The following IFIH1 variants were observed in gnomAD, a reference collection of about 807,000 sequenced individuals.
IFIH1 encodes the protein interferon induced with helicase C domain 1.
In IFIH1, 125 loss-of-function variants were observed where a neutral mutation model predicts 107.4. The ratio of observed to expected loss-of-function variants is 1.16; its 90% CI spans 1.01 to 1.35. The LOEUF (loss-of-function observed/expected upper bound fraction) is 1.35, where lower values mean the gene tolerates loss of function less well. Among genes scored for constraint, IFIH1 ranks in the 40% most tolerant of loss-of-function variants. The probability of loss-of-function intolerance (pLI) is 0.00; values close to 1 mark genes in which losing one functional copy is unlikely to be tolerated. For missense variants in IFIH1, 1,333 were observed against 1,213.7 expected, an observed-to-expected ratio of 1.10 and a Z score of -1.46; for synonymous variants, 458 against 413.2, an observed-to-expected ratio of 1.11 and a Z score of -1.31.
intron 4 of IFIH1, among the ~76,000 whole-genome samples, chr2:162,289,399 T>C (rs1682956290): frequency 6.6e-6 from 1 of 151,698 alleles, no homozygotes. Context: ...GATCAAAAAA[T>C]GCATAGCTTA....
At chr2:162,278,467 C>CTAACCT in intron 8 of IFIH1, 139 bp from the exon 9 acceptor site, 1 of 526,098 alleles carries the variant, frequency 1.9e-6, no homozygotes, top group Non-Finnish European at 3.2e-6. Flanking sequence ...TGTCCCATCA[C>CTAACCT]TTGTCTGTAC....
chr2:162,306,642 G>C, intron 3 of IFIH1, 67 bp downstream of exon 3: 1 of 1,288,644 alleles, frequency 7.8e-7, no homozygotes, highest in Non-Finnish European at 1.1e-6. Context: ...TGATTAATAG[G>C]TTCTGCCCAG....
chr2:162,311,035 T>A, intron 1 of IFIH1, 102 bp from the exon 2 acceptor site: 1 of 814,070 alleles, frequency 1.2e-6, no homozygotes, highest in South Asian at 1.9e-5. Flanking sequence ...AGCATAAGTA[T>A]AAATAAAGGC....
chr2:162,301,549 T>C (rs142645329), intron 3 of IFIH1, among the ~76,000 whole-genome samples: 271 of 152,336 alleles, frequency 1.8e-3, no homozygotes, highest in African/African-American at 6.2e-3. Context: ...TTTGATTTTA[T>C]TGTAATGCAT....
At chr2:162,285,691 G>A (rs377019750) in intron 5 of IFIH1, among the ~76,000 whole-genome samples, 12 of 151,904 alleles carry the variant, frequency 7.9e-5, no homozygotes, top group African/African-American at 2.9e-4. Context: ...AGCCATAAAT[G>A]TGCATTCCGA....
rs1683551583 is a variant in IFIH1 at position 162,318,237 on chromosome 2, A to G, written c.71T>C (p.Met24Thr). The G allele has an allele frequency of 6.2e-7, 1 of 1,613,954 alleles. No individual in the cohort carries two copies. The highest frequency in any genetic ancestry group is 1.7e-5 in the Admixed American group (1 of 59,998). ...LISCFRARVK[M>T]YIQVEPVLDY... ...CAGCACAGGCTCCACCTGGATGTAC[A>G]TTTTCACCCTGGCCCTGAAGCACGA... The change falls in exon 1 of 16, where the codon ATG becomes ACG. Residue 24 changes from methionine (M) to threonine (T), a missense_variant. Coordinates refer to ENST00000649979, the MANE Select transcript of IFIH1 (RefSeq NM_022168.4).
At position 162,288,136 on chromosome 2, in the gene IFIH1, T is replaced by G; in HGVS notation, c.1094A>C (p.Lys365Thr). ...TAGTGTTATGTGTTCTTTGAATACC[T>G]TATTGACAAGAACTATAACTTTTCC... is the stretch of plus-strand genomic sequence containing the variant. ...EPGKVIVLVN[K>T]VLLVEQLFRK... The change falls in exon 5 of 16, where the codon AAG becomes ACG. Residue 365 changes from lysine (K) to threonine (T), a missense_variant and splice_region_variant. Coordinates refer to ENST00000649979, the MANE Select transcript of IFIH1 (RefSeq NM_022168.4). 6.3e-7 allele frequency: 1 copy of G among 1,591,408 alleles called. No individual in the cohort carries two copies. The highest frequency in any genetic ancestry group is 8.6e-7 in the Non-Finnish European group (1 of 1,161,172).
In IFIH1 at chr2:162,267,681, G is replaced by A. The variant is rs137884597; in HGVS notation, c.2808-112C>T. The A allele has an allele frequency of 4.3e-4, 330 of 775,802 alleles. 4 individuals carry two copies. In the African/African-American group the frequency reaches 5.0e-3, roughly 12 times the overall value. 48.1% of individuals were successfully genotyped at this position (775,802 alleles called of 1,614,324 possible). On this transcript the variant is annotated intron_variant, in intron 14 of 15. Coordinates refer to ENST00000649979, the MANE Select transcript of IFIH1 (RefSeq NM_022168.4). The stretch of plus-strand genomic sequence containing the variant: ...CCGCATGCCTGCGGTATTCTACACG[G>A]CATTCCTTCCTTCCCTCCTGCTTCC...
intron 4 of IFIH1, among the ~76,000 whole-genome samples, chr2:162,291,439 T>C (rs552124990): frequency 4.6e-5 from 7 of 151,710 alleles, no homozygotes; most frequent in Non-Finnish European, 8.8e-5. Context: ...CCAATATGTA[T>C]TGCCAAAAAC....
chr2:162,289,335 A>AGT, intron 4 of IFIH1, among the ~76,000 whole-genome samples: 1 of 151,682 alleles, frequency 6.6e-6, no homozygotes, highest in Non-Finnish European at 1.5e-5. Flanking sequence ...TGTTTTAGAT[A>AGT]GAATATATTT....
At chr2:162,289,575 T>A (rs1222158101) in intron 4 of IFIH1, among the ~76,000 whole-genome samples, 2 of 151,894 alleles carry the variant, frequency 1.3e-5, no homozygotes, top group Non-Finnish European at 2.9e-5. Flanking sequence ...ACTAACATAA[T>A]CCCATTAACT....
In IFIH1 at chr2:162,302,219, A is replaced by G. The variant is rs76322941; in HGVS notation, c.769+4490T>C. 3.7e-3 allele frequency among the ~76,000 whole-genome samples: 571 copies of G among 152,296 alleles called. 4 individuals are homozygous for G. The highest frequency in any genetic ancestry group is 7.1e-3 in the Non-Finnish European group (481 of 68,012). On this transcript the variant is annotated intron_variant, in intron 3 of 15. Transcript: ENST00000649979. ...ATGTGTTAAGGGGTAAAAGGTGCTA[A>G]AACACACACACACACATAATCTTTG...
Position 162,294,706 on chromosome 2 carries a change from T to C in IFIH1, c.770-1038A>G, listed in dbSNP as rs558272982. 3.3e-5 allele frequency among the ~76,000 whole-genome samples: 5 copies of C among 152,074 alleles called. No homozygotes were observed. In the South Asian group the frequency reaches 8.3e-4, roughly 25 times the overall value. ...GAAATAAAAATCAAGAAATGATATA[T>C]TCTTAGGATAGGAGTTCCATTAGAT... is the stretch of plus-strand genomic sequence containing the variant. On this transcript the variant is annotated intron_variant, in intron 3 of 15. Coordinates refer to ENST00000649979, the MANE Select transcript of IFIH1 (RefSeq NM_022168.4).
intron 3 of IFIH1, among the ~76,000 whole-genome samples, chr2:162,303,650 G>A (rs1455394387): frequency 1.4e-5 from 2 of 146,748 alleles, no homozygotes; most frequent in Non-Finnish European, 3.0e-5. Flanking sequence ...AGAGAGGAAG[G>A]AACCCAAGAG....
intron 3 of IFIH1, among the ~76,000 whole-genome samples, chr2:162,298,103 T>C (rs1683126450): frequency 6.6e-6 from 1 of 152,202 alleles, no homozygotes; most frequent in Non-Finnish European, 1.5e-5. Flanking sequence ...TTTTTAGATC[T>C]ATTTCAATGT....
rs566440670 is a variant in IFIH1, at chr2:162,276,819, A to G, written c.2172T>C (p.Phe724=). ...RTEESARGII[F]TKTRQSAYAL... ...CATATGCACTCTGTCGTGTTTTTGT[A>G]AAGATTATTCCTCGTGCTGATTCCT... The change falls in exon 11 of 16, where the codon TTT becomes TTC. Residue 724 remains phenylalanine, a synonymous_variant. Transcript: ENST00000649979. The G allele has an allele frequency of 8.1e-6, 13 of 1,613,996 alleles. No individual in the cohort carries two copies. The highest frequency in any genetic ancestry group is 3.3e-5 in the Admixed American group (2 of 59,984).
rs769009487 is a variant in IFIH1 at position 162,277,632 on chromosome 2, C to T, written c.1827G>A (p.Glu609=). ...VCAEHLRKYN[E]ALQINDTIRM... ...GAATTGTGTCATTAATTTGTAGGGCCTCATTGTACTTCCTCAAATGTTCTG... is the reference window on the plus strand; with the variant it reads ...GAATTGTGTCATTAATTTGTAGGGCTTCATTGTACTTCCTCAAATGTTCTG... Residue 609 remains glutamate (E), a synonymous_variant, in exon 10 of 16, where the codon GAG becomes GAA. Transcript: ENST00000649979. 6.2e-7 allele frequency: 1 copy of T among 1,613,058 alleles called. No individual in the cohort carries two copies. Among genetic ancestry groups the T allele is most frequent in the South Asian group, 1.1e-5 (1 of 91,010 alleles).
rs116332366 is a variant in IFIH1 at position 162,294,545 on chromosome 2, G to T, written c.770-877C>A. On this transcript the variant is annotated intron_variant, in intron 3 of 15. Coordinates refer to ENST00000649979, the MANE Select transcript of IFIH1 (RefSeq NM_022168.4). ...ACTTGCAAAATTTGCTATTCACTTT[G>T]CTCTGAACCTAACAAGTTCCCCTTG... 2.8e-3 allele frequency among the ~76,000 whole-genome samples: 423 copies of T among 151,990 alleles called. 3 individuals are homozygous for T. Among genetic ancestry groups the T allele is most frequent in the African/African-American group, 9.7e-3 (402 of 41,530 alleles).
At chr2:162,280,886 A>G (rs758871501) in intron 7 of IFIH1, among the ~76,000 whole-genome samples, 5 of 152,004 alleles carry the variant, frequency 3.3e-5, no homozygotes, top group Non-Finnish European at 7.4e-5. Context: ...TCATATCCCT[A>G]TTTCCCTTTA....
Sources: gnomAD v4.1 joint callset for allele counts (sites outside exome capture counted in the v4.1 genomes callset) on GRCh38, gnomAD v4.1.1 for gene constraint, MANE v1.5 for transcripts, NCBI Gene and HGNC (gene_info 2026-07-23, HGNC 2026-07-21) for gene names.